The following MAST4 variants were observed in gnomAD, a reference collection of about 807,000 sequenced individuals.
MAST4 encodes the protein microtubule-associated serine/threonine-protein kinase 4.
MAST4 carries 89 observed loss-of-function variants against 162.7 expected under a neutral mutation model. That is an observed-to-expected ratio of 0.55 (90% CI 0.46 to 0.65). MAST4 has a LOEUF of 0.65. Among genes scored for constraint, MAST4 ranks in the 30% least tolerant of loss-of-function variants. The pLI is 0.00. For synonymous variants in MAST4, 1,479 were observed against 1,361.1 expected (o/e 1.09, Z -1.91); for missense variants, 3,153 against 3,374.0 (o/e 0.93, Z 1.62).
intron 4 of MAST4, among the ~76,000 whole-genome samples, chr5:66,970,652 A>G (rs1444683526): frequency 6.6e-6 from 1 of 152,108 alleles, no homozygotes; most frequent in African/African-American, 2.4e-5. Context: ...TGTTTTGTCT[A>G]CTGACTTGAG....
At chr5:66,942,836 A>ACAGTCCATTCTG (rs1189596036) in intron 4 of MAST4, among the ~76,000 whole-genome samples, 48 of 152,262 alleles carry the variant, frequency 3.2e-4, no homozygotes, top group East Asian at 1.7e-3. Context: ...GTATAACAAA[A>ACAGTCCATTCTG]TATATAAGCT....
chr5:67,147,218 G>T (rs1489625102), intron 23 of MAST4, among the ~76,000 whole-genome samples: 1 of 152,092 alleles, frequency 6.6e-6, no homozygotes, highest in Admixed American at 6.5e-5. Context: ...GGCCTTGGGG[G>T]CTGTGCAGAA....
At chr5:66,643,787 C>T (rs569113138) in intron 1 of MAST4, among the ~76,000 whole-genome samples, 3 of 151,522 alleles carry the variant, frequency 2.0e-5, no homozygotes, top group African/African-American at 7.3e-5. Context: ...AGTTTAAATG[C>T]AAATGGAAAA....
At chr5:66,771,060 AC>A (rs1466448349) in intron 2 of MAST4, among the ~76,000 whole-genome samples, 1 of 152,246 alleles carries the variant, frequency 6.6e-6, no homozygotes, top group Non-Finnish European at 1.5e-5. Flanking sequence ...AATGTGGCAA[AC>A]CAAACTCAGT....
chr5:66,803,576 A>AT (rs1324853143), intron 3 of MAST4, among the ~76,000 whole-genome samples: 1 of 152,180 alleles, frequency 6.6e-6, no homozygotes, highest in Non-Finnish European at 1.5e-5. Context: ...TACAGAAAGA[A>AT]TTTGTACATC....
chr5:66,717,087 G>A (rs1280728824), intron 1 of MAST4, among the ~76,000 whole-genome samples: 1 of 152,192 alleles, frequency 6.6e-6, no homozygotes, highest in African/African-American at 2.4e-5. Flanking sequence ...ACTGGACCCT[G>A]AAGAGGAGCG....
intron 5 of MAST4, among the ~76,000 whole-genome samples, chr5:67,061,127 G>A (rs1759522577): frequency 6.6e-6 from 1 of 151,312 alleles, no homozygotes; most frequent in East Asian, 1.9e-4. Flanking sequence ...CCAGTTTATT[G>A]TATTCTTCAG....
intron 1 of MAST4, among the ~76,000 whole-genome samples, chr5:66,607,043 A>G (rs1364871460): frequency 6.6e-6 from 1 of 152,126 alleles, no homozygotes; most frequent in African/African-American, 2.4e-5. Flanking sequence ...AAATTGGTCT[A>G]CACTACCATG....
At chr5:66,823,287 G>A (rs750871392) in intron 3 of MAST4, among the ~76,000 whole-genome samples, 13 of 152,130 alleles carry the variant, frequency 8.5e-5, no homozygotes, top group Non-Finnish European at 1.5e-4. Context: ...TATGAAAATG[G>A]ACTAATACAC....
At chr5:66,663,164 C>T (rs1747017341) in intron 1 of MAST4, among the ~76,000 whole-genome samples, 1 of 152,136 alleles carries the variant, frequency 6.6e-6, no homozygotes. Flanking sequence ...GCTGGGCCCT[C>T]AGGATTGTAT....
intron 14 of MAST4, among the ~76,000 whole-genome samples, chr5:67,124,618 A>G (rs530954779): frequency 8.9e-4 from 135 of 152,302 alleles, no homozygotes; most frequent in Middle Eastern, 3.4e-3. Flanking sequence ...AACTACTTCT[A>G]ATTAGGAAGC....
At chr5:67,131,541 TA>T (rs1468306513) in intron 15 of MAST4, among the ~76,000 whole-genome samples, 1 of 152,156 alleles carries the variant, frequency 6.6e-6, no homozygotes, top group Admixed American at 6.5e-5. Context: ...ACCATGATCC[TA>T]AAATTATGCT....
intron 3 of MAST4, among the ~76,000 whole-genome samples, chr5:66,841,921 C>T (rs372916113): frequency 6.6e-6 from 1 of 152,070 alleles, no homozygotes; most frequent in East Asian, 1.9e-4. Context: ...ATGAGCCATA[C>T]GTAAGGCCTT....
intron 1 of MAST4, among the ~76,000 whole-genome samples, chr5:66,671,141 T>A (rs1747585462): frequency 6.6e-6 from 1 of 152,240 alleles, no homozygotes; most frequent in South Asian, 2.1e-4. Context: ...TTTTTTAAAT[T>A]GCTGCTGTGT....
At chr5:66,776,838 CTG>C (rs1188540860) in intron 2 of MAST4, among the ~76,000 whole-genome samples, 1 of 152,164 alleles carries the variant, frequency 6.6e-6, no homozygotes, top group Non-Finnish European at 1.5e-5. Flanking sequence ...AAATGGCACT[CTG>C]TACATGTGCA....
chr5:66,996,711 C>T (rs1750693371), intron 4 of MAST4, among the ~76,000 whole-genome samples: 1 of 152,182 alleles, frequency 6.6e-6, no homozygotes, highest in South Asian at 2.1e-4. Flanking sequence ...AGCAGCCTAG[C>T]ATCTCATTTC....
chr5:66,700,790 T>C (rs1399051307), intron 1 of MAST4, among the ~76,000 whole-genome samples: 17 of 106,838 alleles, frequency 1.6e-4, no homozygotes, highest in African/African-American at 5.7e-4. Context: ...ATTATATATA[T>C]ATATATATAT....
chr5:67,102,143 G>A (rs1354529165), intron 8 of MAST4, among the ~76,000 whole-genome samples: 2 of 151,970 alleles, frequency 1.3e-5, no homozygotes, highest in Non-Finnish European at 2.9e-5. Flanking sequence ...ACTGTTAAAT[G>A]TGTCCTAGAT....
At chr5:66,907,209 C>A (rs1027834121) in intron 4 of MAST4, among the ~76,000 whole-genome samples, 1 of 71,432 alleles carries the variant, frequency 1.4e-5, no homozygotes, top group Non-Finnish European at 2.8e-5. Context: ...GAGAGAGAGT[C>A]CTGCTAGGAG....
Sources: allele counts gnomAD v4.1 joint callset (sites outside exome capture counted in the v4.1 genomes callset), GRCh38; gene constraint gnomAD v4.1.1; transcripts MANE v1.5; gene names NCBI Gene and HGNC (gene_info 2026-07-23, HGNC 2026-07-21).